The following COL25A1 variants were observed in gnomAD, a reference collection of about 807,000 sequenced individuals.
The protein encoded by COL25A1 is collagen type XXV alpha 1 chain.
Under a neutral mutation model 128.4 loss-of-function variants are expected in COL25A1, and 103 were observed. That is an observed-to-expected ratio of 0.80 (90% CI 0.68 to 0.94). COL25A1 has a LOEUF of 0.94. Ranked by LOEUF, COL25A1 falls within the 40% of genes least tolerant of loss-of-function variation. The pLI, the probability that COL25A1 is intolerant of heterozygous loss-of-function variation, is 0.00. For missense variants in COL25A1, 745 were observed against 840.0 expected (o/e 0.89, Z 1.40); for synonymous variants, 279 against 277.2 (o/e 1.01, Z -0.06).
intron 24 of COL25A1, among the ~76,000 whole-genome samples, chr4:108,855,191 G>GTTTTTTTTTTTTTTT (rs35873529): frequency 3.0e-5 from 4 of 131,948 alleles, no homozygotes; most frequent in Non-Finnish European, 3.2e-5. Context: ...TGTTGTTACT[G>GTTTTTTTTTTTTTTT]TTTTTTTTTT....
chr4:109,063,857 T>C lies in COL25A1; in HGVS notation c.368-13678A>G, dbSNP rs563277842. Among the ~76,000 whole-genome samples the C allele has an allele frequency of 3.1e-4, 47 of 152,214 alleles. No individual in the cohort carries two copies. In the South Asian group the frequency reaches 5.2e-3, roughly 17 times the overall value. ...TCCAATAAGTAACAGGAATCAAATA[T>C]AGATAGAGTAGTAAGATAATGGCAT... On this transcript the variant is annotated intron_variant, in intron 3 of 37. Coordinates refer to ENST00000399132, the MANE Select transcript of COL25A1 (RefSeq NM_198721.4).
At chr4:108,894,615 G>A (rs897230028) in intron 16 of COL25A1, among the ~76,000 whole-genome samples, 1 of 152,134 alleles carries the variant, frequency 6.6e-6, no homozygotes, top group South Asian at 2.1e-4. Flanking sequence ...TTGCTTTCAT[G>A]CCATAACAAC....
intron 5 of COL25A1, among the ~76,000 whole-genome samples, chr4:109,035,734 T>C (rs1759280496): frequency 1.3e-5 from 2 of 152,180 alleles, no homozygotes; most frequent in South Asian, 4.1e-4. Context: ...TTATAGGAAA[T>C]ATACAATTTT....
At chr4:108,942,300 G>A (rs1223548047) in intron 8 of COL25A1, 16 of 1,541,676 alleles carry the variant, frequency 1.0e-5, no homozygotes, top group Admixed American at 7.9e-5. Flanking sequence ...AAAACAACAC[G>A]ACATAAAACG....
chr4:109,238,723 C>T (rs185774400), intron 3 of COL25A1, among the ~76,000 whole-genome samples: 1 of 152,178 alleles, frequency 6.6e-6, no homozygotes, highest in Non-Finnish European at 1.5e-5. Flanking sequence ...AGCAGCTCTG[C>T]TTCTCCTTGG....
intron 5 of COL25A1, among the ~76,000 whole-genome samples, chr4:109,047,491 G>A (rs769943804): frequency 6.6e-6 from 1 of 151,992 alleles, no homozygotes; most frequent in African/African-American, 2.4e-5. Context: ...AGGTGTGAAG[G>A]GGGTGAGGGA....
At chr4:109,224,166 A>C (rs1025656178) in intron 3 of COL25A1, among the ~76,000 whole-genome samples, 6 of 152,226 alleles carry the variant, frequency 3.9e-5, no homozygotes, top group Non-Finnish European at 5.9e-5. Flanking sequence ...TAACAGTGAT[A>C]AACATAATAA....
rs1161727290 is a variant in COL25A1, at chr4:109,300,106, T to C, written c.367+477A>G. 2.8e-5 allele frequency among the ~76,000 whole-genome samples: 4 copies of C among 144,032 alleles called. No homozygotes were observed. In the East Asian group the frequency reaches 8.2e-4, roughly 29 times the overall value. 94.5% of individuals were successfully genotyped at this position (144,032 alleles called of 152,430 possible). A position where few individuals can be genotyped will look rare whatever the true frequency, so the allele number is the denominator to read the frequency against. ...AGGATAGGAGATGGAATCTTTTTAA[T>C]AGAACAGAAACAGCAGGAAAGGAAG... On this transcript the variant is annotated intron_variant, in intron 3 of 37. Coordinates refer to ENST00000399132, the MANE Select transcript of COL25A1 (RefSeq NM_198721.4).
At chr4:109,019,848 C>T (rs540554660) in intron 5 of COL25A1, among the ~76,000 whole-genome samples, 29 of 152,182 alleles carry the variant, frequency 1.9e-4, no homozygotes, top group African/African-American at 6.7e-4. Context: ...ATGTATACAC[C>T]TACCAATATA....
chr4:109,001,865 T>C (rs1199345689), intron 6 of COL25A1, among the ~76,000 whole-genome samples: 2 of 142,626 alleles, frequency 1.4e-5, no homozygotes. Flanking sequence ...TGACACTTTA[T>C]AGACTATTAT....
intron 3 of COL25A1, among the ~76,000 whole-genome samples, chr4:109,180,778 C>G (rs779817381): frequency 5.3e-5 from 8 of 152,002 alleles, no homozygotes; most frequent in Non-Finnish European, 1.2e-4. Context: ...GAAAGGGCTG[C>G]AATTTTAGAA....
intron 3 of COL25A1, among the ~76,000 whole-genome samples, chr4:109,214,483 G>A (rs952326644): frequency 3.9e-5 from 6 of 152,076 alleles, no homozygotes; most frequent in African/African-American, 1.4e-4. Context: ...CAGTAACACT[G>A]AGAAAAGTCC....
intron 3 of COL25A1, among the ~76,000 whole-genome samples, chr4:109,145,326 C>T (rs1044204166): frequency 6.6e-6 from 1 of 152,088 alleles, no homozygotes; most frequent in Non-Finnish European, 1.5e-5. Context: ...CTCGGTCTCC[C>T]AAAGTGCTAG....
intron 6 of COL25A1, among the ~76,000 whole-genome samples, chr4:108,992,444 T>C (rs1413930847): frequency 6.6e-6 from 1 of 152,204 alleles, no homozygotes; most frequent in Non-Finnish European, 1.5e-5. Context: ...TTCTACAATT[T>C]GTATAAAAGT....
At chr4:109,123,288 GA>G (rs1768277090) in intron 3 of COL25A1, among the ~76,000 whole-genome samples, 1 of 151,476 alleles carries the variant, frequency 6.6e-6, no homozygotes, top group African/African-American at 2.4e-5. Context: ...CAATGCCAGT[GA>G]TACTAGAGTG....
intron 23 of COL25A1, 71 bp from the exon 24 acceptor site, chr4:108,859,804 A>C: frequency 9.1e-7 from 1 of 1,097,296 alleles, no homozygotes. Context: ...TGGCAGAAAC[A>C]GAAATACAAC....
intron 3 of COL25A1, among the ~76,000 whole-genome samples, chr4:109,255,821 T>A (rs962179466): frequency 5.9e-5 from 9 of 152,246 alleles, no homozygotes; most frequent in Admixed American, 5.2e-4. Context: ...ATCTGTTATA[T>A]ACTCCAACAA....
intron 12 of COL25A1, among the ~76,000 whole-genome samples, chr4:108,918,460 T>C (rs1215648921): frequency 2.0e-5 from 3 of 152,198 alleles, no homozygotes; most frequent in African/African-American, 7.2e-5. Flanking sequence ...TTTAAAGAAA[T>C]TTACATGATA....
chr4:108,838,318 C>T, intron 31 of COL25A1: 1 of 617,696 alleles, frequency 1.6e-6, no homozygotes, highest in African/African-American at 1.9e-5. Context: ...TTGCACGAAA[C>T]ATTAATTTTT....
Sources: gnomAD v4.1 joint callset for allele counts (sites outside exome capture counted in the v4.1 genomes callset) on GRCh38, gnomAD v4.1.1 for gene constraint, MANE v1.5 for transcripts, NCBI Gene and HGNC (gene_info 2026-07-23, HGNC 2026-07-21) for gene names.